LRRTM4: variants seen among roughly 807,000 people sequenced by gnomAD.
LRRTM4 encodes the protein leucine-rich repeat transmembrane neuronal protein 4.
LRRTM4 carries 25 observed loss-of-function variants against 47.6 expected under a neutral mutation model. The observed-to-expected ratio is 0.53, with a 90% CI of 0.38 to 0.73. The LOEUF is 0.73. Ranked by LOEUF, LRRTM4 falls within the 30% of genes least tolerant of loss-of-function variation. The pLI, the probability that LRRTM4 is intolerant of heterozygous loss-of-function variation, is 0.00. For missense variants in LRRTM4, 638 were observed against 713.4 expected (o/e 0.89, Z 1.20); for synonymous variants, 311 against 269.5 (o/e 1.15, Z -1.51).
chr2:77,052,739 AG>A (rs1679482007), intron 3 of LRRTM4, among the ~76,000 whole-genome samples: 1 of 151,726 alleles, frequency 6.6e-6, no homozygotes, highest in African/African-American at 2.4e-5. Context: ...TGTGTGTGCA[AG>A]TATCCTCGTG....
chr2:76,781,287 C>T (rs12992652), intron 3 of LRRTM4, among the ~76,000 whole-genome samples: 2 of 140,428 alleles, frequency 1.4e-5, no homozygotes, highest in Admixed American at 1.4e-4. Flanking sequence ...CCACCCAGTT[C>T]GAGCTTCCTG....
intron 3 of LRRTM4, among the ~76,000 whole-genome samples, chr2:77,146,242 G>C (rs867189693): frequency 6.6e-6 from 1 of 152,128 alleles, no homozygotes; most frequent in Non-Finnish European, 1.5e-5. Flanking sequence ...TAAAGACGGG[G>C]AACAGAATTA....
At chr2:77,477,039 A>C (rs1295401008) in intron 3 of LRRTM4, among the ~76,000 whole-genome samples, 1 of 151,360 alleles carries the variant, frequency 6.6e-6, no homozygotes, top group Non-Finnish European at 1.5e-5. Context: ...AGAATTGTTT[A>C]CTGGGCTTTC....
intron 3 of LRRTM4, among the ~76,000 whole-genome samples, chr2:77,495,926 T>C (rs1678346989): frequency 6.6e-6 from 1 of 151,966 alleles, no homozygotes; most frequent in Non-Finnish European, 1.5e-5. Flanking sequence ...AGGAGGCTGC[T>C]TAGACTTTGG....
chr2:76,835,022 T>C (rs956355760), intron 3 of LRRTM4, among the ~76,000 whole-genome samples: 1 of 152,092 alleles, frequency 6.6e-6, no homozygotes, highest in Non-Finnish European at 1.5e-5. Flanking sequence ...CCCATGGTAA[T>C]ATCATAAGGA....
At chr2:77,315,039 C>CT (rs2104209429) in intron 3 of LRRTM4, among the ~76,000 whole-genome samples, 1 of 152,252 alleles carries the variant, frequency 6.6e-6, no homozygotes, top group South Asian at 2.1e-4. Flanking sequence ...GTTAGGTGTA[C>CT]TAAATGCATT....
chr2:76,872,199 T>C (rs1672642676), intron 3 of LRRTM4, among the ~76,000 whole-genome samples: 1 of 152,152 alleles, frequency 6.6e-6, no homozygotes. Context: ...GCAAATATAA[T>C]TTCCATATAG....
chr2:77,087,916 C>A (rs1366947948), intron 3 of LRRTM4, among the ~76,000 whole-genome samples: 1 of 152,022 alleles, frequency 6.6e-6, no homozygotes, highest in African/African-American at 2.4e-5. Flanking sequence ...TATGTCTTTG[C>A]CAAGGTTCCC....
At chr2:77,487,114 G>A (rs555081053) in intron 3 of LRRTM4, among the ~76,000 whole-genome samples, 3 of 152,234 alleles carry the variant, frequency 2.0e-5, no homozygotes, top group Admixed American at 6.5e-5. Flanking sequence ...GCTGCAGTGA[G>A]AGAGGCGCAG....
At chr2:76,951,416 A>G (rs1004634541) in intron 3 of LRRTM4, among the ~76,000 whole-genome samples, 4 of 152,026 alleles carry the variant, frequency 2.6e-5, no homozygotes, top group African/African-American at 9.7e-5. Flanking sequence ...GTTAACCTAG[A>G]GTTTCAACTC....
intron 3 of LRRTM4, among the ~76,000 whole-genome samples, chr2:77,199,524 G>C (rs547236610): frequency 4.0e-5 from 6 of 151,812 alleles, no homozygotes; most frequent in African/African-American, 1.4e-4. Context: ...TGTTTCCTTT[G>C]TATACAAGAG....
intron 3 of LRRTM4, among the ~76,000 whole-genome samples, chr2:77,350,205 A>C (rs1671709648): frequency 6.6e-6 from 1 of 150,508 alleles, no homozygotes; most frequent in Non-Finnish European, 1.5e-5. Flanking sequence ...GGGCGCCTGT[A>C]GTCCCAGCTA....
intron 3 of LRRTM4, among the ~76,000 whole-genome samples, chr2:77,291,882 A>G (rs1263450754): frequency 1.3e-5 from 2 of 152,100 alleles, no homozygotes; most frequent in Non-Finnish European, 2.9e-5. Flanking sequence ...GCACAGCAAA[A>G]GAAACTACCA....
In LRRTM4 at chr2:77,437,317, C is replaced by A. The variant is rs189294194; in HGVS notation, c.1551+81001G>T. Among the ~76,000 whole-genome samples, 107 of 152,162 alleles carry A rather than the reference C, an allele frequency of 7.0e-4. 2 individuals carry two copies. The East Asian group carries it at 0.015, about 21-fold the overall frequency. ...AATTTTAAATATGCTTTGCATTTCACAACAGCTTCCTATTATACAGAGATT... is the reference window on the plus strand; with the variant it reads ...AATTTTAAATATGCTTTGCATTTCAAAACAGCTTCCTATTATACAGAGATT... On this transcript the variant is annotated intron_variant, in intron 3 of 3. Coordinates refer to ENST00000409884, the MANE Select transcript of LRRTM4 (RefSeq NM_001134745.3).
intron 3 of LRRTM4, among the ~76,000 whole-genome samples, chr2:76,892,529 T>A (rs939814359): frequency 1.3e-5 from 2 of 151,764 alleles, no homozygotes; most frequent in African/African-American, 4.8e-5. Flanking sequence ...TCTGAAAACT[T>A]ATTTAAGTGT....
At chr2:76,993,334 T>C (rs904413262) in intron 3 of LRRTM4, among the ~76,000 whole-genome samples, 2 of 151,806 alleles carry the variant, frequency 1.3e-5, no homozygotes, top group African/African-American at 2.4e-5. Flanking sequence ...ATCAACAGAA[T>C]GGAAGAAAAT....
At chr2:77,096,872 T>C (rs928135102) in intron 3 of LRRTM4, among the ~76,000 whole-genome samples, 3 of 151,782 alleles carry the variant, frequency 2.0e-5, no homozygotes, top group Non-Finnish European at 2.9e-5. Context: ...TTCAGATATA[T>C]CAGCTATCAA....
chr2:77,187,075 A>G (rs112855058), intron 3 of LRRTM4, among the ~76,000 whole-genome samples: 2 of 152,162 alleles, frequency 1.3e-5, no homozygotes, highest in African/African-American at 4.8e-5. Context: ...GCACCCATCT[A>G]TGGCTGCTAC....
At chr2:77,174,817 C>T (rs1284535362) in intron 3 of LRRTM4, among the ~76,000 whole-genome samples, 1 of 151,832 alleles carries the variant, frequency 6.6e-6, no homozygotes, top group Non-Finnish European at 1.5e-5. Context: ...CCACAACAGG[C>T]CCTGGTGTGT....
Sources: allele counts gnomAD v4.1 joint callset (sites outside exome capture counted in the v4.1 genomes callset), GRCh38; gene constraint gnomAD v4.1.1; transcripts MANE v1.5; gene names NCBI Gene and HGNC (gene_info 2026-07-23, HGNC 2026-07-21).